MECOM: variants seen among roughly 807,000 people sequenced by gnomAD.
MECOM encodes histone-lysine N-methyltransferase MECOM.
A neutral mutation model predicts 116.3 loss-of-function variants in MECOM; 13 were observed. The observed-to-expected ratio is 0.11, with a 90% CI of 0.07 to 0.18. The LOEUF (loss-of-function observed/expected upper bound fraction) is 0.18. Among genes scored for constraint, MECOM ranks in the 10% least tolerant of loss-of-function variants. The pLI, the probability that MECOM is intolerant of heterozygous loss-of-function variation, is 1.00. For synonymous variants in MECOM, 528 were observed against 535.2 expected (o/e 0.99, Z 0.19); for missense variants, 1,299 against 1,509.0 (o/e 0.86, Z 2.31).
At chr3:169,605,107 G>A (rs1208928338) in intron 1 of MECOM, among the ~76,000 whole-genome samples, 1 of 152,118 alleles carries the variant, frequency 6.6e-6, no homozygotes, top group South Asian at 2.1e-4. Flanking sequence ...GGGAGGTTTA[G>A]TCAATTGCAG....
At chr3:169,148,812 G>C (rs1417280277) in intron 2 of MECOM, among the ~76,000 whole-genome samples, 2 of 152,024 alleles carry the variant, frequency 1.3e-5, no homozygotes, top group Non-Finnish European at 2.9e-5. Flanking sequence ...GGGAGGGATT[G>C]GGGGAGAGAA....
intron 2 of MECOM, among the ~76,000 whole-genome samples, chr3:169,202,174 G>T (rs1322801549): frequency 6.6e-6 from 1 of 151,926 alleles, no homozygotes; most frequent in African/African-American, 2.4e-5. Context: ...AAAACCATGT[G>T]CTCAAAAAAC....
At chr3:169,287,075 T>C (rs1713474229) in intron 2 of MECOM, among the ~76,000 whole-genome samples, 1 of 152,188 alleles carries the variant, frequency 6.6e-6, no homozygotes, top group Non-Finnish European at 1.5e-5. Flanking sequence ...TCCTATTTCC[T>C]GGGCCCTCCG....
chr3:169,594,174 A>AAAAC (rs1255613781), intron 1 of MECOM, among the ~76,000 whole-genome samples: 135 of 125,832 alleles, frequency 1.1e-3, no homozygotes, highest in African/African-American at 1.9e-3. Context: ...AAAAAAAAAA[A>AAAAC]AACACCTTTT....
At chr3:169,466,592 T>C (rs1288280615) in intron 1 of MECOM, among the ~76,000 whole-genome samples, 2 of 152,210 alleles carry the variant, frequency 1.3e-5, no homozygotes, top group Non-Finnish European at 1.5e-5. Flanking sequence ...CTTTATTTGT[T>C]TGGGGTTTTC....
chr3:169,155,029 T>C (rs372470793), intron 2 of MECOM, among the ~76,000 whole-genome samples: 7 of 152,202 alleles, frequency 4.6e-5, no homozygotes, highest in African/African-American at 1.7e-4. Flanking sequence ...TTGTAAGATT[T>C]TTAAGGACGG....
chr3:169,093,057 G>T lies in MECOM; in HGVS notation c.3065C>A (p.Ala1022Glu). The T allele has an allele frequency of 6.2e-7, 1 of 1,613,588 alleles. No individual in the cohort carries two copies. Among genetic ancestry groups the T allele is most frequent in the Non-Finnish European group, 8.5e-7 (1 of 1,179,710 alleles). The change falls in exon 14 of 17, where the codon GCG (alanine) becomes GAG (glutamate). Residue 1022 changes from alanine (A) to glutamate (E), a missense_variant. Around this residue, in one of 6 missense-constraint regions of MECOM, gnomAD observed 273 missense variants for 289.3 expected, o/e 0.94. Transcript: ENST00000651503. Reference sequence around the variant, plus strand: ...AGCATCTTCTTTGTCATCCAGAATCGCACCTGTACTTTCCAGTTCAGAATG... The same window carrying T: ...AGCATCTTCTTTGTCATCCAGAATCTCACCTGTACTTTCCAGTTCAGAATG... ...SPHSELESTG[A>E]ILDDKEDAYF...
At chr3:169,088,449 A>T (rs549570495) in intron 16 of MECOM, among the ~76,000 whole-genome samples, 171 of 152,276 alleles carry the variant, frequency 1.1e-3, no homozygotes, top group African/African-American at 3.9e-3. Context: ...TTAAATTGAC[A>T]GGTTTTATTT....
intron 1 of MECOM, among the ~76,000 whole-genome samples, chr3:169,538,759 A>C (rs774975986): frequency 6.6e-6 from 1 of 152,194 alleles, no homozygotes; most frequent in Non-Finnish European, 1.5e-5. Context: ...AGTCAGGAGT[A>C]ACTAACTACT....
chr3:169,095,369 A>G (rs1274793695), intron 12 of MECOM, 124 bp from the exon 13 acceptor site: 12 of 698,708 alleles, frequency 1.7e-5, no homozygotes, highest in Non-Finnish European at 9.0e-6. Flanking sequence ...AGGCACAGGG[A>G]GAATACTATT....
At chr3:169,568,019 C>T (rs985289117) in intron 1 of MECOM, among the ~76,000 whole-genome samples, 12 of 152,104 alleles carry the variant, frequency 7.9e-5, no homozygotes, top group Admixed American at 3.9e-4. Flanking sequence ...ACTGTGGTAC[C>T]CAGCTCATCT....
At chr3:169,599,094 TAA>T (rs1322783168) in intron 1 of MECOM, among the ~76,000 whole-genome samples, 1 of 152,222 alleles carries the variant, frequency 6.6e-6, no homozygotes, top group African/African-American at 2.4e-5. Context: ...AGGGTTTTGA[TAA>T]AACGTTAAAC....
intron 2 of MECOM, among the ~76,000 whole-genome samples, chr3:169,321,021 G>T (rs1312375418): frequency 1.3e-5 from 2 of 152,140 alleles, no homozygotes; most frequent in Non-Finnish European, 2.9e-5. Context: ...AGGGGATTTG[G>T]CAATGGGTCT....
chr3:169,297,811 A>C (rs1715923785), intron 2 of MECOM, among the ~76,000 whole-genome samples: 1 of 152,224 alleles, frequency 6.6e-6, no homozygotes. Flanking sequence ...GCAAACTTTC[A>C]GGAGAGTTTC....
intron 1 of MECOM, among the ~76,000 whole-genome samples, chr3:169,610,157 G>A (rs1359768074): frequency 6.6e-6 from 1 of 151,998 alleles, no homozygotes; most frequent in African/African-American, 2.4e-5. Flanking sequence ...TATATTACTA[G>A]CTTATTTTTA....
At chr3:169,503,632 AT>A (rs1224289419) in intron 1 of MECOM, among the ~76,000 whole-genome samples, 2 of 152,130 alleles carry the variant, frequency 1.3e-5, no homozygotes. Context: ...ATCAATCAAA[AT>A]TTGCTTCTTA....
At chr3:169,105,662 C>T (rs941812571) in intron 10 of MECOM, among the ~76,000 whole-genome samples, 2 of 151,836 alleles carry the variant, frequency 1.3e-5, no homozygotes, top group Admixed American at 6.6e-5. Flanking sequence ...ATGTCATAGG[C>T]TAATCTAAGA....
At chr3:169,283,077 G>T (rs1057003621) in intron 2 of MECOM, among the ~76,000 whole-genome samples, 1 of 152,138 alleles carries the variant, frequency 6.6e-6, no homozygotes, top group Non-Finnish European at 1.5e-5. Context: ...CAGGATCAGA[G>T]ATTCAACCTA....
intron 1 of MECOM, among the ~76,000 whole-genome samples, chr3:169,442,507 G>T (rs571207364): frequency 6.6e-5 from 10 of 152,302 alleles, no homozygotes; most frequent in African/African-American, 1.9e-4. Context: ...GACTAGGCAG[G>T]TAAGTATCCC....
Sources: gnomAD v4.1 joint callset for allele counts (sites outside exome capture counted in the v4.1 genomes callset) on GRCh38, gnomAD v4.1.1 for gene constraint, gnomAD v4.1.1 regional missense constraint, MANE v1.5 for transcripts, NCBI Gene and HGNC (gene_info 2026-07-23, HGNC 2026-07-21) for gene names.